PLD5: variants seen among roughly 807,000 people sequenced by gnomAD.
The protein encoded by PLD5 is inactive phospholipase D5.
Under a neutral mutation model 61.1 loss-of-function variants are expected in PLD5, and 36 were observed. The ratio of observed to expected loss-of-function variants is 0.59; its 90% CI spans 0.45 to 0.78. The LOEUF is 0.78. Ranked by LOEUF, PLD5 falls within the 30% of genes least tolerant of loss-of-function variation. The pLI is 0.00. For synonymous variants in PLD5, 243 were observed against 242.8 expected, an observed-to-expected ratio of 1.00 and a Z score of -0.01; for missense variants, 515 against 644.4, an observed-to-expected ratio of 0.80 and a Z score of 2.17.
At chr1:242,449,516 T>A in intron 1 of PLD5, 1 of 1,487,342 alleles carries the variant, frequency 6.7e-7, no homozygotes. Flanking sequence ...ATTGCTGGCC[T>A]CAATGCTTTG....
intron 5 of PLD5, among the ~76,000 whole-genome samples, chr1:242,218,587 TAA>T (rs894605861): frequency 6.6e-6 from 1 of 152,158 alleles, no homozygotes; most frequent in Non-Finnish European, 1.5e-5. Flanking sequence ...TTCCAGTGAG[TAA>T]AAAGTTTCTT....
chr1:242,372,438 ATTACT>A (rs71683637), intron 1 of PLD5, among the ~76,000 whole-genome samples: 8,475 of 152,262 alleles, frequency 0.056, 310 homozygotes, highest in Middle Eastern at 0.092. Flanking sequence ...ATTGGAAAAA[ATTACT>A]TTAAAGTTCA....
At chr1:242,353,153 C>T (rs1445408456) in intron 1 of PLD5, among the ~76,000 whole-genome samples, 4 of 152,110 alleles carry the variant, frequency 2.6e-5, no homozygotes, top group African/African-American at 4.8e-5. Context: ...AGTAGTTTCA[C>T]GCTTTCAGGT....
chr1:242,160,055 A>C (rs1378113704), intron 5 of PLD5, among the ~76,000 whole-genome samples: 1 of 151,738 alleles, frequency 6.6e-6, no homozygotes, highest in African/African-American at 2.4e-5. Flanking sequence ...TTTGTCACCC[A>C]GGCTGAAATG....
chr1:242,497,633 C>T (rs754713793), intron 1 of PLD5, among the ~76,000 whole-genome samples: 17 of 152,214 alleles, frequency 1.1e-4, no homozygotes, highest in African/African-American at 3.6e-4. Context: ...AAAAAGAGAG[C>T]TTCATCCTTC....
At chr1:242,094,132 T>C (rs1010483145) in intron 9 of PLD5, among the ~76,000 whole-genome samples, 1 of 152,102 alleles carries the variant, frequency 6.6e-6, no homozygotes, top group Non-Finnish European at 1.5e-5. Flanking sequence ...GCTTTTTTTT[T>C]TTGAGACTAC....
intron 1 of PLD5, among the ~76,000 whole-genome samples, chr1:242,382,182 A>G (rs1662332263): frequency 6.6e-6 from 1 of 150,766 alleles, no homozygotes; most frequent in Non-Finnish European, 1.5e-5. Context: ...GAATGAGGTG[A>G]AAGTTATCGA....
intron 1 of PLD5, among the ~76,000 whole-genome samples, chr1:242,359,665 T>C (rs1335301844): frequency 1.3e-5 from 2 of 152,202 alleles, no homozygotes; most frequent in African/African-American, 4.8e-5. Flanking sequence ...TTATTGGATG[T>C]ATGCTCTTAG....
chr1:242,167,204 A>ATAAC (rs1234951599), intron 5 of PLD5, among the ~76,000 whole-genome samples: 1 of 152,092 alleles, frequency 6.6e-6, no homozygotes, highest in African/African-American at 2.4e-5. Flanking sequence ...GACAACTATA[A>ATAAC]TAACTAACTT....
At chr1:242,201,300 T>C (rs1019624338) in intron 5 of PLD5, among the ~76,000 whole-genome samples, 7 of 152,216 alleles carry the variant, frequency 4.6e-5, no homozygotes, top group Middle Eastern at 3.2e-3. Context: ...ACTTGACATA[T>C]GCAGAATGAT....
intron 5 of PLD5, among the ~76,000 whole-genome samples, chr1:242,167,484 A>G (rs1210090658): frequency 1.3e-5 from 2 of 152,194 alleles, no homozygotes; most frequent in Non-Finnish European, 2.9e-5. Flanking sequence ...CTGTGATTCA[A>G]TTACCTCCCA....
At chr1:242,473,112 A>G (rs766292680) in intron 1 of PLD5, among the ~76,000 whole-genome samples, 8 of 152,360 alleles carry the variant, frequency 5.3e-5, no homozygotes, top group Non-Finnish European at 8.8e-5. Flanking sequence ...CAGCAGTACA[A>G]TGATGCTTAA....
At chr1:242,404,939 G>C (rs1372880179) in intron 1 of PLD5, among the ~76,000 whole-genome samples, 1 of 137,578 alleles carries the variant, frequency 7.3e-6, no homozygotes, top group Non-Finnish European at 1.5e-5. Context: ...GAATGCAGTG[G>C]CGTGATCTTG....
rs73135761 is a variant in PLD5 at position 242,434,511 on chromosome 1, G to T, written c.190-86269C>A. Among the ~76,000 whole-genome samples, 820 of 152,284 alleles carry T rather than the reference G, an allele frequency of 5.4e-3. 9 individuals are homozygous for T. The highest frequency in any genetic ancestry group is 0.019 in the African/African-American group (788 of 41,552). ...AAGCAATGAAGATGCTGGGGAGGGG[G>T]ATACCTATGTAGGAGCTGTCATCGT... On this transcript the variant is annotated intron_variant, in intron 1 of 9. Coordinates refer to ENST00000536534, the MANE Select transcript of PLD5 (RefSeq NM_001372062.1).
At chr1:242,526,448 T>A (rs937751705), upstream of PLD5, among the ~76,000 whole-genome samples, 3 of 152,218 alleles carry the variant, frequency 2.0e-5, no homozygotes, top group Admixed American at 6.5e-5. Context: ...TGTTTTGTTT[T>A]GTTTTTGAGA....
intron 1 of PLD5, among the ~76,000 whole-genome samples, chr1:242,429,197 G>A (rs774893552): frequency 3.0e-4 from 46 of 152,264 alleles, no homozygotes; most frequent in Admixed American, 1.1e-3. Context: ...AACCCTCAAA[G>A]CCAAACAGAA....
At chr1:242,270,612 AGT>A (rs1674004040) in intron 3 of PLD5, among the ~76,000 whole-genome samples, 1 of 152,216 alleles carries the variant, frequency 6.6e-6, no homozygotes, top group African/African-American at 2.4e-5. Flanking sequence ...CAAGCCAAGC[AGT>A]GCTGGGGCTG....
intron 1 of PLD5, among the ~76,000 whole-genome samples, chr1:242,431,489 C>T (rs1196297121): frequency 2.0e-5 from 3 of 152,204 alleles, no homozygotes; most frequent in Non-Finnish European, 4.4e-5. Context: ...TCTCGCTTGC[C>T]TCTCAAACGA....
chr1:242,131,444 T>TGTGGTCGATTGATAACAAGAGAA, intron 5 of PLD5, among the ~76,000 whole-genome samples: 1 of 152,200 alleles, frequency 6.6e-6, no homozygotes, highest in Non-Finnish European at 1.5e-5. Context: ...GTTGTCCCTG[T>TGTGGTCGATTGATAACAAGAGAA]GTGGTCGATT....
Sources: gnomAD v4.1 joint callset for allele counts (sites outside exome capture counted in the v4.1 genomes callset) on GRCh38, gnomAD v4.1.1 for gene constraint, MANE v1.5 for transcripts, NCBI Gene and HGNC (gene_info 2026-07-23, HGNC 2026-07-21) for gene names.